The following DDX19A variants were observed in gnomAD, a reference collection of about 807,000 sequenced individuals.
The protein encoded by DDX19A is ATP-dependent RNA helicase DDX19A.
In DDX19A, 12 loss-of-function variants were observed where a neutral mutation model predicts 60.6. The ratio of observed to expected loss-of-function variants is 0.20; its 90% CI spans 0.13 to 0.32. The LOEUF is 0.32. Ranked by LOEUF, DDX19A falls within the 10% of genes least tolerant of loss-of-function variation. The pLI is 1.00. For missense variants in DDX19A, 337 were observed against 600.6 expected (o/e 0.56, Z 4.59); for synonymous variants, 206 against 218.2 (o/e 0.94, Z 0.49).
Position 70,365,141 on chromosome 16 carries a change from GC to G in DDX19A, c.604+11del. 1 of 1,588,472 alleles carries G rather than the reference GC, an allele frequency of 6.3e-7. No homozygotes were observed. The highest frequency in any genetic ancestry group is 8.6e-7 in the Non-Finnish European group (1 of 1,156,728). ...GTTCGAGGCAATAAATGTGAGTACGGCAGGCGACAACTGAACAGTGAGCAGG... is the reference window on the plus strand; with the variant it reads ...GTTCGAGGCAATAAATGTGAGTACGGAGGCGACAACTGAACAGTGAGCAGG... On this transcript the variant is annotated intron_variant, in intron 7 of 11. Coordinates refer to ENST00000302243, the MANE Select transcript of DDX19A (RefSeq NM_018332.5).
At chr16:70,356,680 T>G (rs949019211) in intron 4 of DDX19A, 8 of 247,964 alleles carry the variant, frequency 3.2e-5, no homozygotes, top group Non-Finnish European at 5.6e-5. Context: ...TGAAAAGAAG[T>G]CACATGAATA....
At position 70,372,387 on chromosome 16, in the gene DDX19A, C is replaced by G; in HGVS notation, c.*401C>G. 2 of 281,620 alleles carry G rather than the reference C, an allele frequency of 7.1e-6. No homozygotes were observed. Among genetic ancestry groups the G allele is most frequent in the South Asian group, 7.6e-5 (2 of 26,424 alleles). 17.4% of individuals were successfully genotyped at this position (281,620 alleles called of 1,614,324 possible). ...TGAGTGGAAAATGGTGTGAGCCCCA[C>G]CGCTGTGCATCGAATGAGGGAAGTG... On this transcript the variant is annotated 3_prime_UTR_variant, in exon 12 of 12. Transcript: ENST00000302243.
intron 1 of DDX19A, chr16:70,347,981 C>T (rs778648829): frequency 2.2e-6 from 1 of 449,940 alleles, no homozygotes; most frequent in South Asian, 1.6e-5. Flanking sequence ...TGAGTCACCG[C>T]GCCCAGCCGG....
intron 9 of DDX19A, among the ~76,000 whole-genome samples, chr16:70,368,584 T>TC (rs1964588006): frequency 7.8e-6 from 1 of 127,496 alleles, no homozygotes. Flanking sequence ...AAAAATACTC[T>TC]TTTTTTTTTT....
At position 70,354,826 on chromosome 16, in the gene DDX19A, G is replaced by A. The variant is rs952160957; in HGVS notation, c.107-659G>A. Among the ~76,000 whole-genome samples, 8 of 152,046 alleles carry A rather than the reference G, an allele frequency of 5.3e-5. No individual in the cohort carries two copies. The East Asian group carries it at 5.8e-4, about 11-fold the overall frequency. ...TAGCTGGGAATAGTGGTGCATGCCT[G>A]TAGTGCTAGCTACTCAGGAGGTTAA... On this transcript the variant is annotated intron_variant, in intron 2 of 11. Transcript: ENST00000302243.
chr16:70,357,362 GTTTGTTTT>G (rs1964234423), intron 4 of DDX19A, among the ~76,000 whole-genome samples: 2 of 48,874 alleles, frequency 4.1e-5, no homozygotes, highest in East Asian at 6.7e-4. Context: ...TCTGTTTTTG[GTTTGTTTT>G]TTTTTTTTTT....
chr16:70,348,382 T>G (rs1963906280), intron 1 of DDX19A, among the ~76,000 whole-genome samples: 1 of 151,816 alleles, frequency 6.6e-6, no homozygotes, highest in Non-Finnish European at 1.5e-5. Context: ...TCCCAGCACT[T>G]TGGGAGGCCG....
chr16:70,359,851 C>A (rs1025480878), intron 4 of DDX19A, among the ~76,000 whole-genome samples: 1 of 152,090 alleles, frequency 6.6e-6, no homozygotes, highest in African/African-American at 2.4e-5. Context: ...GAACGTCTCT[C>A]AGAAAGAAGT....
At chr16:70,347,156 C>A (rs1295199560) in intron 1 of DDX19A, 108 bp downstream of exon 1, 2 of 1,085,090 alleles carry the variant, frequency 1.8e-6, no homozygotes, top group Admixed American at 2.0e-5. Flanking sequence ...CAACGCGCTC[C>A]TGCAGTTTGC....
intron 2 of DDX19A, among the ~76,000 whole-genome samples, chr16:70,354,271 C>G (rs372933113): frequency 4.6e-5 from 7 of 152,080 alleles, no homozygotes; most frequent in African/African-American, 1.7e-4. Flanking sequence ...TCAGCCTTCC[C>G]GAATAGCTGG....
rs1964173065 is a variant in DDX19A at position 70,355,977 on chromosome 16, G to T, written c.158-135G>T. 4 of 1,105,052 alleles carry T rather than the reference G, an allele frequency of 3.6e-6. No homozygotes were observed. The South Asian group carries it at 5.9e-5, about 16-fold the overall frequency. The allele number at this position is 1,105,052 out of a possible 1,614,324, so 68.5% of individuals were successfully genotyped here. On this transcript the variant is annotated intron_variant, in intron 3 of 11. Transcript: ENST00000302243. The stretch of plus-strand genomic sequence containing the variant: ...CCCATCTCTAAAATAAATAAATAGA[G>T]ACCTATCAGTGTGATGGTTTTTCTC...
chr16:70,347,396 C>A (rs1204216771), intron 1 of DDX19A: 3 of 291,836 alleles, frequency 1.0e-5, no homozygotes, highest in Admixed American at 4.9e-5. Context: ...CTGTACTACT[C>A]TGTATTTAAC....
intron 3 of DDX19A, chr16:70,355,894 C>A: frequency 1.6e-6 from 1 of 633,422 alleles, no homozygotes; most frequent in South Asian, 2.1e-5. Flanking sequence ...CCCAGGAATT[C>A]TAGACTACAG....
intron 4 of DDX19A, among the ~76,000 whole-genome samples, chr16:70,360,060 C>T: frequency 6.6e-6 from 1 of 151,984 alleles, no homozygotes. Context: ...GCAGGTGGAT[C>T]ACCTGAGATT....
intron 1 of DDX19A, among the ~76,000 whole-genome samples, chr16:70,347,687 T>G (rs77616864): frequency 6.6e-6 from 1 of 152,220 alleles, no homozygotes; most frequent in African/African-American, 2.4e-5. Flanking sequence ...TCTTTTTTTT[T>G]GTTGTAGTTG....
chr16:70,356,362 C>CTT, intron 4 of DDX19A, 115 bp downstream of exon 4: 35 of 1,299,688 alleles, frequency 2.7e-5, no homozygotes, highest in African/African-American at 4.6e-5. Context: ...GTATTTTTTC[C>CTT]TTTTTTTTTT....
At chr16:70,347,146 C>A in intron 1 of DDX19A, 98 bp downstream of exon 1, 1 of 1,195,756 alleles carries the variant, frequency 8.4e-7, no homozygotes, top group Non-Finnish European at 1.2e-6. Context: ...GGCCCCTGGG[C>A]AACGCGCTCC....
intron 9 of DDX19A, among the ~76,000 whole-genome samples, chr16:70,369,383 T>C (rs532063679): frequency 8.0e-4 from 120 of 149,898 alleles, no homozygotes; most frequent in African/African-American, 2.9e-3. Context: ...TTTCACCATG[T>C]TGGTCAGGCT....
intron 2 of DDX19A, among the ~76,000 whole-genome samples, chr16:70,355,033 C>G (rs1964138801): frequency 6.6e-6 from 1 of 151,924 alleles, no homozygotes; most frequent in Admixed American, 6.6e-5. Flanking sequence ...AATAAAAATT[C>G]ACTAAACATA....
Sources: gnomAD v4.1 joint callset for allele counts (sites outside exome capture counted in the v4.1 genomes callset) on GRCh38, gnomAD v4.1.1 for gene constraint, MANE v1.5 for transcripts, NCBI Gene and HGNC (gene_info 2026-07-23, HGNC 2026-07-21) for gene names.